Variants in PDE11A observed in about 807,000 individuals in gnomAD.
PDE11A encodes dual 3',5'-cyclic-AMP and -GMP phosphodiesterase 11A.
Under a neutral mutation model 100.5 loss-of-function variants are expected in PDE11A, and 100 were observed. The ratio of observed to expected loss-of-function variants is 1.00; its 90% CI spans 0.85 to 1.18. PDE11A has a LOEUF of 1.18. Ranked by LOEUF, PDE11A falls within the 50% of genes most tolerant of loss-of-function variation. PDE11A has a pLI of 0.00. For synonymous variants in PDE11A, 381 were observed against 420.8 expected (o/e 0.91, Z 1.16); for missense variants, 1,141 against 1,152.6 (o/e 0.99, Z 0.15).
chr2:177,762,624 C>A (rs1462171703), intron 10 of PDE11A, among the ~76,000 whole-genome samples: 1 of 152,124 alleles, frequency 6.6e-6, no homozygotes, highest in Non-Finnish European at 1.5e-5. Flanking sequence ...AGACTTCCTG[C>A]GCCTTCCCGT....
intron 10 of PDE11A, among the ~76,000 whole-genome samples, chr2:177,733,738 T>A (rs2081728296): frequency 6.6e-6 from 1 of 152,200 alleles, no homozygotes; most frequent in Non-Finnish European, 1.5e-5. Flanking sequence ...GCTGTGGTGA[T>A]GTGGAAGGGA....
chr2:177,996,460 CATATATACAT>C (rs2086076332), intron 2 of PDE11A, among the ~76,000 whole-genome samples: 2 of 120,326 alleles, frequency 1.7e-5, no homozygotes, highest in Admixed American at 7.8e-5. Flanking sequence ...TCACAGCATA[CATATATACAT>C]ATATATATAT....
intron 1 of PDE11A, among the ~76,000 whole-genome samples, chr2:178,046,026 T>C (rs1363231147): frequency 6.6e-6 from 1 of 152,230 alleles, no homozygotes. Context: ...TCTTACTAGC[T>C]GTATAAACTT....
chr2:177,851,711 CTCTT>C (rs1261502335), intron 5 of PDE11A, among the ~76,000 whole-genome samples: 1 of 152,116 alleles, frequency 6.6e-6, no homozygotes, highest in Non-Finnish European at 1.5e-5. Flanking sequence ...ATACAGATGA[CTCTT>C]TCTGTTTTTC....
intron 19 of PDE11A, among the ~76,000 whole-genome samples, chr2:177,650,340 A>G (rs184148131): frequency 2.0e-5 from 3 of 152,352 alleles, no homozygotes; most frequent in Admixed American, 2.0e-4. Flanking sequence ...GGTCCCATCC[A>G]TCATCATTTC....
intron 18 of PDE11A, among the ~76,000 whole-genome samples, chr2:177,666,445 C>A (rs1381822782): frequency 6.6e-6 from 1 of 152,144 alleles, no homozygotes; most frequent in African/African-American, 2.4e-5. Flanking sequence ...CATATGGTAA[C>A]TCTGTTTAAC....
rs762087069 is a variant in PDE11A, at chr2:178,104,462, ATCTC to A, written c.-3_1del. 8 of 1,614,010 alleles carry A rather than the reference ATCTC, an allele frequency of 5.0e-6. 1 individual carries two copies. In the South Asian group the frequency reaches 7.7e-5, roughly 16 times the overall value. The stretch of plus-strand genomic sequence containing the variant: ...TAAAGGTCTTCTTGCCTGCTTCAGC[ATCTC>A]CCATGTTGCTCTGCAATGGAACATT... On this transcript the variant is annotated start_lost and 5_prime_UTR_variant, in exon 2 of 21. Transcript: ENST00000358450.
chr2:178,024,523 C>G (rs1003640826), intron 1 of PDE11A, among the ~76,000 whole-genome samples: 2 of 152,222 alleles, frequency 1.3e-5, no homozygotes, highest in Non-Finnish European at 2.9e-5. Flanking sequence ...TTTCCATACA[C>G]TTTCCCTGAA....
chr2:178,094,451 G>A (rs2087463871), intron 2 of PDE11A, among the ~76,000 whole-genome samples: 2 of 152,176 alleles, frequency 1.3e-5, no homozygotes, highest in South Asian at 4.1e-4. Context: ...ATGATCAGTT[G>A]AGTCCAGGAT....
chr2:177,990,514 G>C (rs977541242), intron 2 of PDE11A, among the ~76,000 whole-genome samples: 5 of 151,492 alleles, frequency 3.3e-5, no homozygotes, highest in African/African-American at 1.2e-4. Flanking sequence ...CTGAGGCAGG[G>C]GGATCACAAG....
intron 18 of PDE11A, 33 bp from the exon 19 acceptor site, chr2:177,663,982 T>C (rs761553068): frequency 9.8e-5 from 129 of 1,320,568 alleles, no homozygotes; most frequent in Non-Finnish European, 1.4e-4. Flanking sequence ...CCTCGCTTTA[T>C]TACACCAAAG....
chr2:177,757,373 C>T (rs891046662), intron 10 of PDE11A, among the ~76,000 whole-genome samples: 2 of 152,108 alleles, frequency 1.3e-5, no homozygotes, highest in Non-Finnish European at 1.5e-5. Flanking sequence ...GGGATAGAGC[C>T]GCTGATGCCT....
At chr2:177,860,699 A>G (rs1194322579) in intron 5 of PDE11A, among the ~76,000 whole-genome samples, 1 of 151,926 alleles carries the variant, frequency 6.6e-6, no homozygotes, top group East Asian at 1.9e-4. Flanking sequence ...CAAAAATACT[A>G]GTAAACTAAA....
rs2085869990 is a variant in PDE11A, at chr2:177,980,704, A to G, written c.1071+33598T>C. On this transcript the variant is annotated intron_variant, in intron 2 of 19. Coordinates refer to ENST00000286063, the MANE Select transcript of PDE11A (RefSeq NM_016953.4). ...CTGTTGCACATATTAAACTACAACA[A>G]TTTGGGTGATGGAAAAAAGCAGAAA... 2.7e-5 allele frequency among the ~76,000 whole-genome samples: 4 copies of G among 150,796 alleles called. No homozygotes were observed. The South Asian group carries it at 8.6e-4, about 32-fold the overall frequency.
At chr2:177,669,436 C>A (rs962626185) in intron 18 of PDE11A, 57 bp downstream of exon 18, 9 of 814,634 alleles carry the variant, frequency 1.1e-5, no homozygotes, top group Non-Finnish European at 2.0e-5. Context: ...ATTTGGAGTT[C>A]TTTTTGAAAA....
intron 10 of PDE11A, among the ~76,000 whole-genome samples, chr2:177,730,033 C>T (rs185011863): frequency 2.4e-4 from 36 of 151,884 alleles, no homozygotes; most frequent in Admixed American, 6.6e-4. Flanking sequence ...TTAATTCCAT[C>T]CCCCTCTGCA....
In PDE11A at chr2:177,675,508, T is replaced by C; in HGVS notation, c.2434A>G (p.Met812Val). ...NHRDIFRSML[M>V]TACDLGAVTK... ...ACGGCTCCAAGGTCACAGGCTGTCATTAACATTGATCTGAAAAACAGAACC... is the reference window on the plus strand; with the variant it reads ...ACGGCTCCAAGGTCACAGGCTGTCACTAACATTGATCTGAAAAACAGAACC... Residue 812 changes from methionine (M) to valine (V), a missense_variant, in exon 17 of 20, where the codon ATG becomes GTG. Transcript: ENST00000286063. The C allele has an allele frequency of 3.1e-6, 5 of 1,613,384 alleles. No homozygotes were observed. Among genetic ancestry groups the C allele is most frequent in the Non-Finnish European group, 4.2e-6 (5 of 1,179,520 alleles).
In PDE11A at chr2:178,045,543, A is replaced by G. The variant is rs907578068; in HGVS notation, c.912+25983T>C. The stretch of plus-strand genomic sequence containing the variant: ...ACAGCAGTTTGTGGTGGTTAAGAGT[A>G]CAAACTGTGGCTCCAACAATATGGG... On this transcript the variant is annotated intron_variant, in intron 1 of 19. Coordinates refer to ENST00000286063, the MANE Select transcript of PDE11A (RefSeq NM_016953.4). Among the ~76,000 whole-genome samples the G allele has an allele frequency of 2.0e-5, 3 of 152,232 alleles. No individual in the cohort carries two copies. The East Asian group carries it at 5.8e-4, about 29-fold the overall frequency.
rs777015613 is a variant in PDE11A at position 178,072,114 on chromosome 2, G to A, written c.324C>T (p.Gly108=). 6.2e-7 allele frequency: 1 copy of A among 1,613,812 alleles called. No homozygotes were observed. The highest frequency in any genetic ancestry group is 8.5e-7 in the Non-Finnish European group (1 of 1,179,786). The change falls in exon 1 of 20, where the codon GGC becomes GGT. Residue 108 remains glycine (G), a synonymous_variant. Coordinates refer to ENST00000286063, the MANE Select transcript of PDE11A (RefSeq NM_016953.4). Reference sequence around the variant, plus strand: ...AAGCTCTCCGCTGCAGGTTCCCATCGCCCCTGCTGCCACCGGCCCAGCTGG... The same window carrying A: ...AAGCTCTCCGCTGCAGGTTCCCATCACCCCTGCTGCCACCGGCCCAGCTGG... ...LSPSWAGGSR[G]DGNLQRRASQ...
Sources: allele counts gnomAD v4.1 joint callset (sites outside exome capture counted in the v4.1 genomes callset), GRCh38; gene constraint gnomAD v4.1.1; transcripts MANE v1.5; gene names NCBI Gene and HGNC (gene_info 2026-07-23, HGNC 2026-07-21).